The following TOX variants were observed in gnomAD, a reference collection of about 807,000 sequenced individuals.
The protein encoded by TOX is thymocyte selection-associated high mobility group box protein TOX.
A neutral mutation model predicts 53.7 loss-of-function variants in TOX; 11 were observed. The ratio of observed to expected loss-of-function variants is 0.20; its 90% CI spans 0.13 to 0.34. The LOEUF is 0.34. TOX is among the 10% of genes least tolerant of loss of function. The pLI, the probability that TOX is intolerant of heterozygous loss-of-function variation, is 1.00. For synonymous variants in TOX, 225 were observed against 245.3 expected, an observed-to-expected ratio of 0.92 and a Z score of 0.77; for missense variants, 570 against 664.6, an observed-to-expected ratio of 0.86 and a Z score of 1.56.
At chr8:59,016,455 A>C (rs542244568) in intron 1 of TOX, among the ~76,000 whole-genome samples, 20 of 152,204 alleles carry the variant, frequency 1.3e-4, no homozygotes, top group Non-Finnish European at 2.6e-4. Flanking sequence ...TCAAGTGTTA[A>C]ATGTCAATTA....
intron 1 of TOX, among the ~76,000 whole-genome samples, chr8:59,034,601 C>T (rs188718953): frequency 1.2e-4 from 19 of 152,074 alleles, no homozygotes; most frequent in Non-Finnish European, 2.8e-4. Context: ...GCAGGAAAGC[C>T]CTGGAAGACA....
chr8:59,035,695 T>C (rs894010700), intron 1 of TOX, among the ~76,000 whole-genome samples: 14 of 152,270 alleles, frequency 9.2e-5, no homozygotes, highest in African/African-American at 3.4e-4. Flanking sequence ...CTGAGGGTGC[T>C]AGACACTCAG....
intron 3 of TOX, among the ~76,000 whole-genome samples, chr8:58,935,429 A>G (rs1262832280): frequency 6.6e-6 from 1 of 152,222 alleles, no homozygotes; most frequent in Non-Finnish European, 1.5e-5. Flanking sequence ...TTTAGAAAAT[A>G]TAATTAGAGA....
rs1585861122 is a variant in TOX at position 58,852,932 on chromosome 8, C to T, written c.412-1127G>A. On this transcript the variant is annotated intron_variant, in intron 3 of 8. Transcript: ENST00000361421. ...GACCTGTCTGCAAATGTTATTGTGA[C>T]GTGAAAATACTGTGAAGGCAAATTA... Among the ~76,000 whole-genome samples the T allele has an allele frequency of 2.0e-5, 3 of 152,124 alleles. 1 individual carries two copies. The highest frequency in any genetic ancestry group is 4.1e-4 in the South Asian group (2 of 4,830).
At chr8:59,011,858 C>A (rs936489184) in intron 1 of TOX, among the ~76,000 whole-genome samples, 3 of 152,114 alleles carry the variant, frequency 2.0e-5, no homozygotes, top group Non-Finnish European at 4.4e-5. Context: ...CTTTTTCTTG[C>A]AAACCACTAT....
intron 3 of TOX, among the ~76,000 whole-genome samples, chr8:58,930,367 A>G (rs1314770353): frequency 6.6e-6 from 1 of 152,210 alleles, no homozygotes; most frequent in Non-Finnish European, 1.5e-5. Context: ...CAGTTTCTAC[A>G]TGGAGGTCTA....
At chr8:59,114,014 A>C (rs758886814) in intron 1 of TOX, among the ~76,000 whole-genome samples, 5 of 152,192 alleles carry the variant, frequency 3.3e-5, no homozygotes, top group Non-Finnish European at 7.4e-5. Flanking sequence ...ACGTATGACC[A>C]CTAGAAATAG....
chr8:59,068,200 T>C (rs1804129217), intron 1 of TOX, among the ~76,000 whole-genome samples: 1 of 152,220 alleles, frequency 6.6e-6, no homozygotes, highest in Non-Finnish European at 1.5e-5. Flanking sequence ...TAAGGAAATA[T>C]GCTCATTAAC....
intron 2 of TOX, among the ~76,000 whole-genome samples, chr8:58,949,700 A>G (rs1812587349): frequency 1.3e-5 from 2 of 152,074 alleles, no homozygotes; most frequent in African/African-American, 4.8e-5. Flanking sequence ...AAGTTTTAAT[A>G]AATTTTTATT....
intron 1 of TOX, among the ~76,000 whole-genome samples, chr8:59,025,300 G>T (rs1446575895): frequency 7.2e-5 from 11 of 152,096 alleles, no homozygotes; most frequent in African/African-American, 2.7e-4. Flanking sequence ...TATGCAAAAA[G>T]AAAGAAATGG....
At chr8:58,835,579 G>C (rs961087729) in intron 5 of TOX, among the ~76,000 whole-genome samples, 1 of 152,182 alleles carries the variant, frequency 6.6e-6, no homozygotes, top group African/African-American at 2.4e-5. Flanking sequence ...GAAATCTGCA[G>C]CCTGATATTT....
At chr8:58,999,195 T>C (rs1410172908) in intron 1 of TOX, among the ~76,000 whole-genome samples, 1 of 152,092 alleles carries the variant, frequency 6.6e-6, no homozygotes, top group Non-Finnish European at 1.5e-5. Context: ...AGATTATAGA[T>C]ATGATTGAGA....
intron 3 of TOX, among the ~76,000 whole-genome samples, chr8:58,915,457 G>A (rs1227402962): frequency 1.8e-4 from 19 of 107,498 alleles, no homozygotes; most frequent in South Asian, 4.0e-4. Flanking sequence ...CACCTCACAC[G>A]GCAGGGTATT....
intron 1 of TOX, among the ~76,000 whole-genome samples, chr8:59,086,363 A>G (rs1469737608): frequency 1.3e-5 from 2 of 151,384 alleles, no homozygotes; most frequent in African/African-American, 2.4e-5. Flanking sequence ...CCACTCCCCA[A>G]CTCCATACCC....
intron 1 of TOX, among the ~76,000 whole-genome samples, chr8:59,030,657 T>G (rs1244008559): frequency 6.6e-6 from 1 of 152,178 alleles, no homozygotes; most frequent in Admixed American, 6.5e-5. Flanking sequence ...CTTGGTAACA[T>G]CTAGGTTACT....
Position 58,998,496 on chromosome 8 carries a change from T to TAA in TOX, c.103-38489_103-38488insTT, listed in dbSNP as rs61408536. ...AGAGCCAGACTCCATCTCAAAAGTA[T>TAA]ATATATATATATATATATATATATA... On this transcript the variant is annotated intron_variant, in intron 1 of 8. Coordinates refer to ENST00000361421, the MANE Select transcript of TOX (RefSeq NM_014729.3). Among the ~76,000 whole-genome samples the TAA allele has an allele frequency of 6.4e-3, 403 of 62,532 alleles. 1 individual carries two copies. The highest frequency in any genetic ancestry group is 0.012 in the Middle Eastern group (1 of 84). The allele number at this position is 62,532 out of a possible 152,430, so 41.0% of individuals were successfully genotyped here.
At chr8:58,841,372 G>A (rs920769128) in intron 4 of TOX, among the ~76,000 whole-genome samples, 1 of 152,130 alleles carries the variant, frequency 6.6e-6, no homozygotes, top group East Asian at 1.9e-4. Context: ...CTGATACGTA[G>A]TAAATGCTTA....
intron 5 of TOX, among the ~76,000 whole-genome samples, chr8:58,835,101 A>C (rs1201810943): frequency 6.6e-6 from 1 of 152,184 alleles, no homozygotes; most frequent in African/African-American, 2.4e-5. Flanking sequence ...TTTGATTGAG[A>C]AACTGCTTTA....
At chr8:58,955,025 T>C (rs1044985911) in intron 2 of TOX, among the ~76,000 whole-genome samples, 2 of 152,238 alleles carry the variant, frequency 1.3e-5, no homozygotes, top group South Asian at 2.1e-4. Flanking sequence ...TAAATTCACA[T>C]GAAAGCTGTC....
Sources: allele counts gnomAD v4.1 joint callset (sites outside exome capture counted in the v4.1 genomes callset), GRCh38; gene constraint gnomAD v4.1.1; transcripts MANE v1.5; gene names NCBI Gene and HGNC (gene_info 2026-07-23, HGNC 2026-07-21).